Variants in CFAP77 observed in about 807,000 individuals in gnomAD.
CFAP77 encodes cilia- and flagella-associated protein 77.
Under a neutral mutation model 31.1 loss-of-function variants are expected in CFAP77, and 25 were observed. The ratio of observed to expected loss-of-function variants is 0.80; its 90% CI spans 0.59 to 1.12. The LOEUF (loss-of-function observed/expected upper bound fraction) is 1.12, where lower values mean the gene tolerates loss of function less well. Among genes scored for constraint, CFAP77 ranks in the 50% most tolerant of loss-of-function variants. The pLI, the probability that CFAP77 is intolerant of heterozygous loss-of-function variation, is 0.00. For synonymous variants in CFAP77, 151 were observed against 159.9 expected, an observed-to-expected ratio of 0.94 and a Z score of 0.42; for missense variants, 377 against 397.3, an observed-to-expected ratio of 0.95 and a Z score of 0.44.
At chr9:132,513,564 G>A (rs1852080127) in intron 3 of CFAP77, among the ~76,000 whole-genome samples, 1 of 152,164 alleles carries the variant, frequency 6.6e-6, no homozygotes, top group Non-Finnish European at 1.5e-5. Context: ...GCGGGGTCCT[G>A]TGCCCTGGAA....
At chr9:132,543,096 G>A (rs368494178) in intron 5 of CFAP77, 49 bp downstream of exon 5, 19 of 1,498,900 alleles carry the variant, frequency 1.3e-5, no homozygotes, top group East Asian at 9.0e-5. Context: ...GCTGGCTGCC[G>A]CTCACCTTGC....
chr9:132,436,120 A>C (rs1377739435), intron 1 of CFAP77, among the ~76,000 whole-genome samples: 1 of 152,188 alleles, frequency 6.6e-6, no homozygotes, highest in East Asian at 1.9e-4. Flanking sequence ...TGAAATAATA[A>C]GAAATGTATT....
intron 1 of CFAP77, among the ~76,000 whole-genome samples, chr9:132,491,153 A>C (rs947414809): frequency 6.6e-6 from 1 of 152,160 alleles, no homozygotes; most frequent in Non-Finnish European, 1.5e-5. Flanking sequence ...TGAATGAACG[A>C]ATGAGTACAA....
intron 1 of CFAP77, among the ~76,000 whole-genome samples, chr9:132,423,999 A>G (rs959530730): frequency 4.6e-5 from 7 of 152,220 alleles, no homozygotes; most frequent in African/African-American, 1.7e-4. Flanking sequence ...CTGTTCTCCA[A>G]GGACCTTACA....
intron 4 of CFAP77, among the ~76,000 whole-genome samples, chr9:132,540,023 CT>C (rs1270097143): frequency 6.6e-6 from 1 of 152,170 alleles, no homozygotes; most frequent in African/African-American, 2.4e-5. Context: ...CCTCCGCCTC[CT>C]GGGTTCAAGT....
At chr9:132,523,263 T>C (rs1852301362) in intron 3 of CFAP77, among the ~76,000 whole-genome samples, 1 of 152,056 alleles carries the variant, frequency 6.6e-6, no homozygotes, top group Admixed American at 6.6e-5. Context: ...AATTTTTGTA[T>C]TTTTTAGTAG....
At chr9:132,560,132 A>G (rs1209861105) in intron 5 of CFAP77, among the ~76,000 whole-genome samples, 2 of 152,200 alleles carry the variant, frequency 1.3e-5, no homozygotes, top group African/African-American at 4.8e-5. Context: ...AGAACAGGCT[A>G]AAATTGGTGA....
chr9:132,491,965 C>T (rs1323470801), intron 1 of CFAP77, among the ~76,000 whole-genome samples: 3 of 152,160 alleles, frequency 2.0e-5, no homozygotes, highest in Non-Finnish European at 2.9e-5. Context: ...AGTGATAGCT[C>T]TTCCCATAAA....
intron 1 of CFAP77, among the ~76,000 whole-genome samples, chr9:132,450,839 G>T (rs1274373214): frequency 6.6e-6 from 1 of 152,216 alleles, no homozygotes; most frequent in African/African-American, 2.4e-5. Flanking sequence ...CCAGGAGGAG[G>T]CTATGGCAGT....
In CFAP77 at chr9:132,552,714, C is replaced by T. The variant is rs561202877; in HGVS notation, c.732+9667C>T. ...CCATCTCAAAAAAAAAAAAAAAAAG[C>T]AGAGTCCAGGGCCTCTCCAGGACTC... On this transcript the variant is annotated intron_variant, in intron 5 of 5. Transcript: ENST00000393216. This position sits in a 1 kb window ranked among gnomAD's most constrained non-coding sequence, Gnocchi z 5.5. Among the ~76,000 whole-genome samples, 16 of 145,838 alleles carry T rather than the reference C, an allele frequency of 1.1e-4. No homozygotes were observed. In the South Asian group the frequency reaches 3.2e-3, roughly 29 times the overall value.
chr9:132,538,508 G>C (rs868810069), intron 4 of CFAP77, among the ~76,000 whole-genome samples: 8 of 152,204 alleles, frequency 5.3e-5, no homozygotes, highest in South Asian at 2.1e-4. Flanking sequence ...ACTCAAGGCC[G>C]GGCGCGGTGG....
At chr9:132,447,175 C>T (rs1480082388) in intron 1 of CFAP77, among the ~76,000 whole-genome samples, 1 of 152,232 alleles carries the variant, frequency 6.6e-6, no homozygotes, top group Non-Finnish European at 1.5e-5. Context: ...TCTCCAGATT[C>T]TACACTCTGC....
rs532378103 is a variant in CFAP77 at position 132,518,431 on chromosome 9, G to A, written c.524+18831G>A. 1.4e-4 allele frequency among the ~76,000 whole-genome samples: 21 copies of A among 152,298 alleles called. No individual in the cohort carries two copies. In the South Asian group the frequency reaches 3.7e-3, roughly 27 times the overall value. On this transcript the variant is annotated intron_variant, in intron 3 of 5. Transcript: ENST00000393216. ...TCAGGGCCAGGGGAACCCGGATTCGGATCCTGGCTCTCCTGTCTGGCTACT... is the reference window on the plus strand; with the variant it reads ...TCAGGGCCAGGGGAACCCGGATTCGAATCCTGGCTCTCCTGTCTGGCTACT...
At chr9:132,417,573 T>C (rs536572972) in intron 1 of CFAP77, among the ~76,000 whole-genome samples, 3 of 152,310 alleles carry the variant, frequency 2.0e-5, no homozygotes, top group Admixed American at 2.0e-4. Context: ...TCTCAGCCAC[T>C]TACTGGCTCT....
intron 3 of CFAP77, among the ~76,000 whole-genome samples, chr9:132,522,311 G>A (rs999535304): frequency 6.6e-6 from 1 of 152,208 alleles, no homozygotes; most frequent in Non-Finnish European, 1.5e-5. Context: ...CACTGCAGCC[G>A]GAAGGGTGGG....
At position 132,519,813 on chromosome 9, in the gene CFAP77, TG is replaced by T; in HGVS notation, c.525-17786del. On this transcript the variant is annotated intron_variant, in intron 3 of 5. Coordinates refer to ENST00000393216, the MANE Select transcript of CFAP77 (RefSeq NM_001282957.2). ...ATGGATGGATGGATGAATGGGTGGGTGGATGGATGGATGGATGGATGGATGG... is the reference window on the plus strand; with the variant it reads ...ATGGATGGATGGATGAATGGGTGGGTGATGGATGGATGGATGGATGGATGG... 1.1e-4 allele frequency among the ~76,000 whole-genome samples: 3 copies of T among 26,208 alleles called. No individual in the cohort carries two copies. In the African/African-American group the frequency reaches 1.4e-3, roughly 12 times the overall value. 17.2% of individuals were successfully genotyped at this position (26,208 alleles called of 152,430 possible). A position where few individuals can be genotyped will look rare whatever the true frequency, so the allele number is the denominator to read the frequency against.
rs1411533774 is a variant in CFAP77 at position 132,499,548 on chromosome 9, A to G, written c.472A>G (p.Lys158Glu). Residue 158 changes from lysine to glutamate, a missense_variant, in exon 3 of 6, where the codon AAG becomes GAG. Coordinates refer to ENST00000393216, the MANE Select transcript of CFAP77 (RefSeq NM_001282957.2). This position sits in a 1 kb window ranked among gnomAD's most constrained non-coding sequence, Gnocchi z 5.4. ...CAGTGACCAGGATGACCGGCGCATG[A>G]AGAAAGAGCCGCCCCCTCTCCCTCC... ...RISDQDDRRM[K>E]KEPPPLPPNM... 1.9e-6 allele frequency: 3 copies of G among 1,614,194 alleles called. No individual in the cohort carries two copies. The highest frequency in any genetic ancestry group is 1.7e-5 in the Admixed American group (1 of 60,030).
intron 5 of CFAP77, among the ~76,000 whole-genome samples, chr9:132,547,545 C>T (rs904994828): frequency 3.3e-5 from 5 of 152,234 alleles, no homozygotes; most frequent in African/African-American, 9.6e-5. Flanking sequence ...GCTATGCTGG[C>T]GAACAGGCCA....
chr9:132,457,673 G>A (rs1850945224), intron 1 of CFAP77, among the ~76,000 whole-genome samples: 1 of 152,216 alleles, frequency 6.6e-6, no homozygotes, highest in South Asian at 2.1e-4. Flanking sequence ...GTCTGCACGC[G>A]TGCCATCGGG....
Sources: allele counts gnomAD v4.1 joint callset (sites outside exome capture counted in the v4.1 genomes callset), GRCh38; gene constraint gnomAD v4.1.1; non-coding constraint Gnocchi (gnomAD v3.1); transcripts MANE v1.5; gene names NCBI Gene and HGNC (gene_info 2026-07-23, HGNC 2026-07-21).